SCAI: variants seen among roughly 807,000 people sequenced by gnomAD.
SCAI encodes the protein suppressor of cancer cell invasion, also known as protein SCAI.
In SCAI, 24 loss-of-function variants were observed where a neutral mutation model predicts 92.2. The observed-to-expected ratio is 0.26, with a 90% CI of 0.19 to 0.37. The LOEUF is 0.37. Among genes scored for constraint, SCAI ranks in the 10% least tolerant of loss-of-function variants. The pLI, the probability that SCAI is intolerant of heterozygous loss-of-function variation, is 1.00. For missense variants in SCAI, 450 were observed against 736.2 expected, an observed-to-expected ratio of 0.61 and a Z score of 4.50; for synonymous variants, 261 against 258.6, an observed-to-expected ratio of 1.01 and a Z score of -0.09.
At chr9:124,961,555 C>T (rs1331220951) in intron 17 of SCAI, among the ~76,000 whole-genome samples, 1 of 149,876 alleles carries the variant, frequency 6.7e-6, no homozygotes, top group Non-Finnish European at 1.5e-5. Flanking sequence ...GAGGCTGAGG[C>T]AGGAGAATTG....
intron 17 of SCAI, among the ~76,000 whole-genome samples, chr9:124,957,569 A>G (rs144033652): frequency 0.032 from 4,461 of 138,064 alleles, 174 homozygotes; most frequent in Admixed American, 0.098. Flanking sequence ...ATGAGGTTTC[A>G]CCACCTTGGC....
chr9:125,053,129 G>C lies in SCAI; in HGVS notation c.230+2747C>G, dbSNP rs189909898. ...GCAGGTGGATCACCTGAGGTCAGGA[G>C]TTCAAGACCAGCCTGGCCAACATAG... On this transcript the variant is annotated intron_variant, in intron 3 of 17. Coordinates refer to ENST00000336505, the MANE Select transcript of SCAI (RefSeq NM_001144877.3). Among the ~76,000 whole-genome samples the C allele has an allele frequency of 1.5e-3, 229 of 152,264 alleles. 1 individual carries two copies. Among genetic ancestry groups the C allele is most frequent in the Non-Finnish European group, 2.6e-3 (178 of 68,016 alleles).
intron 2 of SCAI, among the ~76,000 whole-genome samples, chr9:125,078,556 C>T (rs1439515536): frequency 6.6e-6 from 1 of 152,040 alleles, no homozygotes; most frequent in Non-Finnish European, 1.5e-5. Flanking sequence ...CCCACAAACA[C>T]TTAAAGACAG....
chr9:124,991,380 TA>T (rs1204660969), intron 14 of SCAI, among the ~76,000 whole-genome samples: 1 of 123,776 alleles, frequency 8.1e-6, no homozygotes, highest in Admixed American at 8.7e-5. Context: ...AAAAAAAAAT[TA>T]ACGAGTAATA....
At chr9:124,961,034 G>A (rs1682841372) in intron 17 of SCAI, among the ~76,000 whole-genome samples, 1 of 151,750 alleles carries the variant, frequency 6.6e-6, no homozygotes, top group South Asian at 2.1e-4. Flanking sequence ...AGAAGCAGGA[G>A]GACTGCTTGA....
intron 17 of SCAI, among the ~76,000 whole-genome samples, chr9:124,963,706 C>T (rs1327401740): frequency 3.6e-5 from 5 of 138,402 alleles, no homozygotes; most frequent in South Asian, 2.4e-4. Context: ...GCTGAGATCG[C>T]GCCACTGTGC....
intron 2 of SCAI, among the ~76,000 whole-genome samples, chr9:125,085,184 T>C (rs903209573): frequency 2.2e-4 from 33 of 152,062 alleles, no homozygotes; most frequent in African/African-American, 7.7e-4. Flanking sequence ...CTTTAAAAGG[T>C]TAAAAATAAA....
rs764858681 is a variant in SCAI at position 125,073,092 on chromosome 9, A to ATTTTTTTTTTTTT, written c.99-17098_99-17086dup. ...GGATCATATGAGGATTCTATTTTTAATTTTTTTTTTTTTTTTTTTTTTTTT... is the reference window on the plus strand; with the variant it reads ...GGATCATATGAGGATTCTATTTTTAATTTTTTTTTTTTTTTTTTTTTTTTTTTTTTTTTTTTTT... On this transcript the variant is annotated intron_variant, in intron 2 of 17. Transcript: ENST00000336505. Among the ~76,000 whole-genome samples the ATTTTTTTTTTTTT allele has an allele frequency of 2.0e-3, 145 of 72,480 alleles. 16 individuals carry two copies. Among genetic ancestry groups the ATTTTTTTTTTTTT allele is most frequent in the African/African-American group, 5.2e-3 (96 of 18,514 alleles). 47.5% of individuals were successfully genotyped at this position (72,480 alleles called of 152,430 possible). A position where few individuals can be genotyped will look rare whatever the true frequency, so the allele number is the denominator to read the frequency against.
chr9:125,138,356 A>G (rs149411756), intron 2 of SCAI, among the ~76,000 whole-genome samples: 13,751 of 149,884 alleles, frequency 0.092, 840 homozygotes, highest in Non-Finnish European at 0.13. Context: ...CCTGGGTCCA[A>G]GCGATTCTCC....
rs138752535 is a variant in SCAI, at chr9:124,954,888, G to A, written c.1675-1935C>T. The stretch of plus-strand genomic sequence containing the variant: ...ATGTGGTCAAAAATAAAAGGTGGCC[G>A]GGTGTGGTGGCTCACCCTTGTAATC... On this transcript the variant is annotated intron_variant, in intron 17 of 17. Transcript: ENST00000336505. Among the ~76,000 whole-genome samples, 21 of 152,232 alleles carry A rather than the reference G, an allele frequency of 1.4e-4. No homozygotes were observed. In the East Asian group the frequency reaches 3.9e-3, roughly 28 times the overall value.
intron 17 of SCAI, among the ~76,000 whole-genome samples, chr9:124,969,859 T>C (rs1831618620): frequency 6.7e-6 from 1 of 148,850 alleles, no homozygotes; most frequent in Non-Finnish European, 1.5e-5. Flanking sequence ...AGTAACATCA[T>C]TTTTTTTTTT....
rs138456048 is a variant in SCAI, at chr9:124,997,428, G to A, written c.1245-2413C>T. ...AAATCCAAAACCCGAAACACTTTTGGTCCCACATATTTCAGATAAGGGATA... is the reference window on the plus strand; with the variant it reads ...AAATCCAAAACCCGAAACACTTTTGATCCCACATATTTCAGATAAGGGATA... On this transcript the variant is annotated intron_variant, in intron 13 of 17. Transcript: ENST00000336505. Among the ~76,000 whole-genome samples, 107 of 152,164 alleles carry A rather than the reference G, an allele frequency of 7.0e-4. 1 individual carries two copies. The East Asian group carries it at 0.015, about 21-fold the overall frequency.
intron 2 of SCAI, among the ~76,000 whole-genome samples, chr9:125,134,500 C>A (rs1835476700): frequency 1.3e-5 from 2 of 152,284 alleles, no homozygotes; most frequent in East Asian, 1.9e-4. Context: ...ACAACAACAA[C>A]AAAAGCCCCC....
At chr9:124,989,999 A>G (rs941419352) in intron 14 of SCAI, among the ~76,000 whole-genome samples, 2 of 149,800 alleles carry the variant, frequency 1.3e-5, no homozygotes, top group Non-Finnish European at 3.0e-5. Flanking sequence ...ACATGGAGAA[A>G]CCCTGTTTCT....
chr9:125,043,952 T>A (rs1833383364), intron 3 of SCAI, among the ~76,000 whole-genome samples: 1 of 152,040 alleles, frequency 6.6e-6, no homozygotes, highest in Non-Finnish European at 1.5e-5. Flanking sequence ...AGCTGCAGCT[T>A]TGGACCCATG....
chr9:125,067,506 G>A (rs1475300299), intron 2 of SCAI, among the ~76,000 whole-genome samples: 2 of 152,128 alleles, frequency 1.3e-5, no homozygotes, highest in African/African-American at 4.8e-5. Flanking sequence ...TCAAGCCAAG[G>A]AACGCCAAGG....
chr9:124,959,241 AAAACTT>A (rs913306407), intron 17 of SCAI, among the ~76,000 whole-genome samples: 1 of 150,368 alleles, frequency 6.7e-6, no homozygotes, highest in Non-Finnish European at 1.5e-5. Flanking sequence ...CATGTACCCT[AAAACTT>A]AAAGTATAAT....
At chr9:124,964,101 A>G (rs1588119674) in intron 17 of SCAI, among the ~76,000 whole-genome samples, 1 of 152,148 alleles carries the variant, frequency 6.6e-6, no homozygotes, top group South Asian at 2.1e-4. Flanking sequence ...TTCAGTGTCC[A>G]TTATCATAGA....
chr9:125,106,897 T>C (rs367864719), intron 2 of SCAI, among the ~76,000 whole-genome samples: 1 of 148,786 alleles, frequency 6.7e-6, no homozygotes, highest in East Asian at 2.0e-4. Context: ...AAGTTTTTTG[T>C]AGCATCAGAG....
Sources: allele counts gnomAD v4.1 joint callset (sites outside exome capture counted in the v4.1 genomes callset), GRCh38; gene constraint gnomAD v4.1.1; transcripts MANE v1.5; gene names NCBI Gene and HGNC (gene_info 2026-07-23, HGNC 2026-07-21).